SAMD13: variants seen among roughly 807,000 people sequenced by gnomAD.
SAMD13 encodes the protein sterile alpha motif domain containing 13, also known as sterile alpha motif domain-containing protein 13.
Under a neutral mutation model 12.4 loss-of-function variants are expected in SAMD13, and 9 were observed. The observed-to-expected ratio is 0.72, with a 90% CI of 0.44 to 1.26. The LOEUF is 1.26. Among genes scored for constraint, SAMD13 ranks in the 50% most tolerant of loss-of-function variants. The probability of loss-of-function intolerance (pLI) is 0.00; values close to 1 mark genes in which losing one functional copy is unlikely to be tolerated. For synonymous variants in SAMD13, 46 were observed against 45.4 expected (o/e 1.01, Z -0.05); for missense variants, 84 against 119.6 (o/e 0.70, Z 1.39).
chr1:84,323,052 G>C (rs960095369), intron 2 of SAMD13, among the ~76,000 whole-genome samples: 2 of 152,144 alleles, frequency 1.3e-5, no homozygotes, highest in Non-Finnish European at 2.9e-5. Flanking sequence ...GTCAACCACA[G>C]GGAGATTGAA....
At chr1:84,316,831 C>T (rs1239968845) in intron 2 of SAMD13, among the ~76,000 whole-genome samples, 1 of 151,992 alleles carries the variant, frequency 6.6e-6, no homozygotes, top group Non-Finnish European at 1.5e-5. Context: ...AATATTAAAT[C>T]TTCCATCCAT....
intron 2 of SAMD13, among the ~76,000 whole-genome samples, chr1:84,324,332 C>T (rs1295311362): frequency 6.6e-6 from 1 of 152,148 alleles, no homozygotes; most frequent in East Asian, 1.9e-4. Context: ...GCTCCCTTGG[C>T]TGTATGTGTT....
At chr1:84,341,647 T>A (rs142102090) in intron 3 of SAMD13, among the ~76,000 whole-genome samples, 3 of 152,046 alleles carry the variant, frequency 2.0e-5, no homozygotes, top group African/African-American at 7.2e-5. Context: ...TGGTCAATCA[T>A]TGGGTTCAGA....
chr1:84,302,623 GC>G, intron 1 of SAMD13: 1 of 986,094 alleles, frequency 1.0e-6, no homozygotes, highest in South Asian at 4.7e-5. Flanking sequence ...TTTTTTGTGA[GC>G]TTCCTGCTTT....
chr1:84,300,016 A>G (rs1678417748), upstream of SAMD13, among the ~76,000 whole-genome samples: 1 of 152,176 alleles, frequency 6.6e-6, no homozygotes, highest in Non-Finnish European at 1.5e-5. Context: ...GGAGAGCTGA[A>G]CATGCTTTTG....
At chr1:84,349,252 A>C (rs960721284) in intron 3 of SAMD13, among the ~76,000 whole-genome samples, 4 of 152,218 alleles carry the variant, frequency 2.6e-5, no homozygotes, top group Admixed American at 1.3e-4. Context: ...GTTGTTTTAG[A>C]AATTAAGTTC....
At chr1:84,344,036 C>A (rs961505806) in intron 3 of SAMD13, among the ~76,000 whole-genome samples, 2 of 150,948 alleles carry the variant, frequency 1.3e-5, no homozygotes, top group Non-Finnish European at 2.9e-5. Flanking sequence ...TATTTTCCTT[C>A]ATCAGAAATG....
chr1:84,312,582 T>C (rs897107483), intron 2 of SAMD13, among the ~76,000 whole-genome samples: 1 of 152,046 alleles, frequency 6.6e-6, no homozygotes, highest in African/African-American at 2.4e-5. Flanking sequence ...AAAAATTAAT[T>C]TGAACTGAAT....
chr1:84,299,608 A>G (rs941651014), upstream of SAMD13: 17 of 1,518,898 alleles, frequency 1.1e-5, no homozygotes, highest in Admixed American at 2.6e-4. Context: ...TTTTATCAGC[A>G]GAGGATTGAT....
intron 2 of SAMD13, among the ~76,000 whole-genome samples, chr1:84,309,121 A>G (rs190407255): frequency 6.6e-6 from 1 of 152,220 alleles, no homozygotes; most frequent in African/African-American, 2.4e-5. Context: ...TTTTTCAAGT[A>G]AGTAAACAGA....
intron 3 of SAMD13, chr1:84,345,032 T>G: frequency 2.2e-6 from 1 of 456,736 alleles, no homozygotes; most frequent in African/African-American, 2.0e-5. Context: ...CCATCTTTGA[T>G]GTGGCTCCCA....
At chr1:84,307,449 A>G (rs571422830) in intron 2 of SAMD13, among the ~76,000 whole-genome samples, 117 of 152,266 alleles carry the variant, frequency 7.7e-4, no homozygotes, top group Non-Finnish European at 1.2e-3. Flanking sequence ...AGCTTCTTGA[A>G]CATATAGAAT....
chr1:84,316,679 A>G (rs1233664670), intron 2 of SAMD13, among the ~76,000 whole-genome samples: 1 of 151,980 alleles, frequency 6.6e-6, no homozygotes, highest in African/African-American at 2.4e-5. Context: ...TTCTTTTTCA[A>G]ATTGTTTTGG....
intron 3 of SAMD13, among the ~76,000 whole-genome samples, chr1:84,335,883 T>C (rs1679278511): frequency 6.6e-6 from 1 of 152,228 alleles, no homozygotes; most frequent in Admixed American, 6.5e-5. Flanking sequence ...CCCAATATCT[T>C]CTGGCTTGCA....
intron 1 of SAMD13, chr1:84,302,990 G>A: frequency 8.9e-6 from 4 of 449,188 alleles, no homozygotes; most frequent in Non-Finnish European, 8.2e-6. Flanking sequence ...AAGGCAGGGA[G>A]TGCCAGTACA....
upstream of SAMD13, chr1:84,299,676 T>C (rs980386781): frequency 5.1e-6 from 3 of 590,682 alleles, no homozygotes; most frequent in Non-Finnish European, 4.5e-6. Context: ...TATATATATA[T>C]TTATTTATTT....
intron 3 of SAMD13, among the ~76,000 whole-genome samples, chr1:84,347,840 C>T (rs572277885): frequency 1.3e-5 from 2 of 152,322 alleles, no homozygotes; most frequent in African/African-American, 4.8e-5. Flanking sequence ...AGGATTACTA[C>T]TTGCCTAAAT....
At chr1:84,326,610 G>A (rs2101805751) in intron 3 of SAMD13, among the ~76,000 whole-genome samples, 1 of 152,308 alleles carries the variant, frequency 6.6e-6, no homozygotes, top group East Asian at 1.9e-4. Flanking sequence ...GGCCAGTTCT[G>A]TGGGTAAACA....
At position 84,318,550 on chromosome 1, in the gene SAMD13, A is replaced by G. The variant is rs536545282; in HGVS notation, c.54-7087A>G. On this transcript the variant is annotated intron_variant, in intron 2 of 3. Coordinates refer to ENST00000394834, the MANE Select transcript of SAMD13 (RefSeq NM_001134663.2). ...ATCTATCCTGGATAATGTTCCATGT[A>G]TGCTTGAAAAGAAATGTATATTCTG... is the stretch of plus-strand genomic sequence containing the variant. Among the ~76,000 whole-genome samples, 6 of 152,246 alleles carry G rather than the reference A, an allele frequency of 3.9e-5. No individual in the cohort carries two copies. The South Asian group carries it at 6.2e-4, about 16-fold the overall frequency.
Sources: gnomAD v4.1 joint callset for allele counts (sites outside exome capture counted in the v4.1 genomes callset) on GRCh38, gnomAD v4.1.1 for gene constraint, MANE v1.5 for transcripts, NCBI Gene and HGNC (gene_info 2026-07-23, HGNC 2026-07-21) for gene names.